ABCB5: variants seen among roughly 807,000 people sequenced by gnomAD.
The protein encoded by ABCB5 is ATP-binding cassette sub-family B member 5.
A neutral mutation model predicts 144.2 loss-of-function variants in ABCB5; 155 were observed. The ratio of observed to expected loss-of-function variants is 1.08; its 90% CI spans 0.94 to 1.23. The LOEUF is 1.23. Among genes scored for constraint, ABCB5 ranks in the 50% most tolerant of loss-of-function variants. ABCB5 has a pLI of 0.00. For synonymous variants in ABCB5, 610 were observed against 528.6 expected, an observed-to-expected ratio of 1.15 and a Z score of -2.11; for missense variants, 1,830 against 1,520.8, an observed-to-expected ratio of 1.20 and a Z score of -3.38.
intron 5 of ABCB5, among the ~76,000 whole-genome samples, chr7:20,632,617 T>C (rs1323759700): frequency 2.0e-5 from 3 of 151,956 alleles, no homozygotes; most frequent in Admixed American, 6.6e-5. Flanking sequence ...AACCCAAATG[T>C]CCAACAATGA....
At chr7:20,669,394 T>C (rs1417276024) in intron 14 of ABCB5, among the ~76,000 whole-genome samples, 8 of 144,558 alleles carry the variant, frequency 5.5e-5, no homozygotes, top group Non-Finnish European at 1.0e-4. Context: ...GAAAAATTCT[T>C]CTGCCTTGGG....
chr7:20,753,223 A>T, intron 26 of ABCB5, 137 bp from the exon 27 acceptor site: 1 of 1,065,680 alleles, frequency 9.4e-7, no homozygotes, highest in Non-Finnish European at 1.3e-6. Context: ...AAGCCCAAGA[A>T]TAGATTTCAA....
chr7:20,717,948 CTGGAG>C (rs1781737345), intron 20 of ABCB5, among the ~76,000 whole-genome samples: 1 of 111,416 alleles, frequency 9.0e-6, no homozygotes, highest in Non-Finnish European at 1.6e-5. Context: ...GTCGCCCAGG[CTGGAG>C]TGCAGTGGCG....
Position 20,651,495 on chromosome 7 carries a change from GA to G in ABCB5, c.1409del (p.Glu470GlyfsTer20). On this transcript the variant is annotated frameshift_variant, in exon 13 of 28. Transcript: ENST00000404938. LOFTEE classifies it high-confidence loss of function. ...AGACCATATTGGAGTGGTTAGTCAA[GA>G]GCCTGTTTTGTTCGGGACCACCATC... ...YRDHIGVVSQ[E>X]PVLFGTTISN... is the part of the protein sequence containing the mutation. The G allele has an allele frequency of 6.2e-7, 1 of 1,614,108 alleles. No homozygotes were observed. The highest frequency in any genetic ancestry group is 8.5e-7 in the Non-Finnish European group (1 of 1,180,020).
chr7:20,688,910 T>G (rs912133975), intron 16 of ABCB5, among the ~76,000 whole-genome samples: 1 of 151,510 alleles, frequency 6.6e-6, no homozygotes, highest in Admixed American at 6.6e-5. Context: ...AGGTGGGAAT[T>G]GAACAACGAG....
At chr7:20,680,401 G>T (rs1018487344) in intron 14 of ABCB5, among the ~76,000 whole-genome samples, 2 of 151,824 alleles carry the variant, frequency 1.3e-5, no homozygotes, top group African/African-American at 4.8e-5. Context: ...TACTAAAAAT[G>T]AAAATAAAAT....
chr7:20,637,420 A>ATT (rs71020651), intron 5 of ABCB5, among the ~76,000 whole-genome samples: 62 of 142,968 alleles, frequency 4.3e-4, no homozygotes, highest in Middle Eastern at 3.7e-3. Flanking sequence ...TGATTACTTA[A>ATT]TTTTTTTTTT....
chr7:20,640,952 T>A (rs935029845), intron 5 of ABCB5, among the ~76,000 whole-genome samples: 1 of 152,170 alleles, frequency 6.6e-6, no homozygotes, highest in African/African-American at 2.4e-5. Context: ...TCTTCTCTTC[T>A]TTTCCTATAC....
chr7:20,659,750 C>A, intron 14 of ABCB5: 3 of 985,796 alleles, frequency 3.0e-6, no homozygotes, highest in Non-Finnish European at 3.6e-6. Context: ...CTCTGTCACC[C>A]ATGCTTGAGT....
chr7:20,664,647 G>A (rs1284446374), intron 14 of ABCB5, among the ~76,000 whole-genome samples: 1 of 152,048 alleles, frequency 6.6e-6, no homozygotes, highest in Non-Finnish European at 1.5e-5. Flanking sequence ...AAATAGGTAA[G>A]CTATTATGCC....
intron 14 of ABCB5, among the ~76,000 whole-genome samples, chr7:20,663,931 G>T (rs1583407209): frequency 6.6e-6 from 1 of 151,982 alleles, no homozygotes; most frequent in African/African-American, 2.4e-5. Flanking sequence ...GGTCAGGCTG[G>T]TCTCGAACTC....
chr7:20,675,891 T>A (rs1395599162), intron 14 of ABCB5, among the ~76,000 whole-genome samples: 1 of 151,968 alleles, frequency 6.6e-6, no homozygotes, highest in Non-Finnish European at 1.5e-5. Flanking sequence ...AAAAAAGACA[T>A]ACAAATGGCC....
chr7:20,743,127 A>G, intron 25 of ABCB5, 53 bp downstream of exon 25: 1 of 1,575,184 alleles, frequency 6.3e-7, no homozygotes, highest in Non-Finnish European at 8.7e-7. Flanking sequence ...CCTATTCTTA[A>G]ACATTCACTA....
In ABCB5 at chr7:20,755,424, C is replaced by T. The variant is rs1009590826; in HGVS notation, c.3577-3C>T. 2.5e-5 allele frequency: 41 copies of T among 1,613,766 alleles called. No homozygotes were observed. The highest frequency in any genetic ancestry group is 3.3e-5 in the Non-Finnish European group (39 of 1,179,826). On this transcript the variant is annotated splice_region_variant and splice_polypyrimidine_tract_variant and intron_variant, in intron 27 of 27. Coordinates refer to ENST00000404938, the MANE Select transcript of ABCB5 (RefSeq NM_001163941.2). Reference sequence around the variant, plus strand: ...GGTGATCACAGGTCTTTCTCTCTTCCAGGTGGTTCAGCATGCCCTTGATAA... The same window carrying T: ...GGTGATCACAGGTCTTTCTCTCTTCTAGGTGGTTCAGCATGCCCTTGATAA...
intron 23 of ABCB5, among the ~76,000 whole-genome samples, chr7:20,731,864 A>T (rs914497904): frequency 1.3e-5 from 2 of 152,084 alleles, no homozygotes; most frequent in Non-Finnish European, 2.9e-5. Flanking sequence ...CCCTGTCTTG[A>T]CTGGACCACT....
chr7:20,752,984 G>C (rs934853597), intron 26 of ABCB5, among the ~76,000 whole-genome samples: 11 of 152,208 alleles, frequency 7.2e-5, no homozygotes, highest in Admixed American at 2.0e-4. Context: ...TTTCCTTGTT[G>C]TTTTTACTAC....
chr7:20,645,430 C>T (rs181124039), intron 7 of ABCB5, among the ~76,000 whole-genome samples: 1 of 152,268 alleles, frequency 6.6e-6, no homozygotes, highest in African/African-American at 2.4e-5. Flanking sequence ...GAATTCACAG[C>T]TCTGAAGGCA....
chr7:20,623,240 T>C (rs1014163179), intron 1 of ABCB5, 25 bp from the exon 2 acceptor site: 1 of 1,313,300 alleles, frequency 7.6e-7, no homozygotes, highest in Middle Eastern at 2.0e-4. Context: ...ATAGCCATAA[T>C]ACATTTGTTA....
intron 1 of ABCB5, among the ~76,000 whole-genome samples, chr7:20,617,048 C>G (rs973283488): frequency 6.6e-6 from 1 of 152,152 alleles, no homozygotes; most frequent in Admixed American, 6.6e-5. Flanking sequence ...TACCACATTA[C>G]TCTTCATAAA....
Sources: allele counts gnomAD v4.1 joint callset (sites outside exome capture counted in the v4.1 genomes callset), GRCh38; gene constraint gnomAD v4.1.1; transcripts MANE v1.5; gene names NCBI Gene and HGNC (gene_info 2026-07-23, HGNC 2026-07-21).